Variants in KCNJ6 observed in about 807,000 individuals in gnomAD.
KCNJ6 encodes the protein potassium inwardly rectifying channel subfamily J member 6.
A neutral mutation model predicts 34.2 loss-of-function variants in KCNJ6; 9 were observed. The observed-to-expected ratio is 0.26, with a 90% CI of 0.16 to 0.46. The LOEUF (loss-of-function observed/expected upper bound fraction) is 0.46. Ranked by LOEUF, KCNJ6 falls within the 20% of genes least tolerant of loss-of-function variation. The pLI is 1.00. For missense variants in KCNJ6, 236 were observed against 531.3 expected, an observed-to-expected ratio of 0.44 and a Z score of 5.46; for synonymous variants, 196 against 207.1, an observed-to-expected ratio of 0.95 and a Z score of 0.46.
chr21:37,716,803 A>T (rs1448353125), intron 2 of KCNJ6, among the ~76,000 whole-genome samples: 3 of 152,216 alleles, frequency 2.0e-5, no homozygotes, highest in African/African-American at 7.2e-5. Context: ...TCTGCTGTTT[A>T]AAAGCATATA....
chr21:37,715,339 G>A (rs1297698546), intron 2 of KCNJ6, among the ~76,000 whole-genome samples: 2 of 152,210 alleles, frequency 1.3e-5, no homozygotes, highest in African/African-American at 2.4e-5. Flanking sequence ...GTTTGTGTAA[G>A]TACTTCACCA....
In KCNJ6 at chr21:37,675,962, C is replaced by G. The variant is rs934676244; in HGVS notation, c.946+38249G>C. ...TGGCTCCTCTGTCCTCATGTGAGCTCTGGACCAGCAATACCTGCACCCTTG... is the reference window on the plus strand; with the variant it reads ...TGGCTCCTCTGTCCTCATGTGAGCTGTGGACCAGCAATACCTGCACCCTTG... On this transcript the variant is annotated intron_variant, in intron 3 of 3. Transcript: ENST00000609713. The surrounding 1 kb of genome is among the most constrained non-coding windows in gnomAD (Gnocchi z 4.2). Among the ~76,000 whole-genome samples the G allele has an allele frequency of 3.9e-5, 6 of 152,340 alleles. No homozygotes were observed. Among genetic ancestry groups the G allele is most frequent in the African/African-American group, 1.2e-4 (5 of 41,590 alleles).
chr21:37,873,826 C>G (rs1257293409), intron 1 of KCNJ6, among the ~76,000 whole-genome samples: 2 of 152,098 alleles, frequency 1.3e-5, no homozygotes, highest in Non-Finnish European at 2.9e-5. Context: ...CATCTATCCA[C>G]GCTTCCACTT....
chr21:37,785,502 T>C (rs976444685), intron 2 of KCNJ6, among the ~76,000 whole-genome samples: 1 of 152,218 alleles, frequency 6.6e-6, no homozygotes, highest in Admixed American at 6.5e-5. Flanking sequence ...TGTTGGGTTT[T>C]CATCATTGTT....
intron 2 of KCNJ6, among the ~76,000 whole-genome samples, chr21:37,818,164 G>T (rs2029932397): frequency 6.6e-6 from 1 of 151,312 alleles, no homozygotes; most frequent in South Asian, 2.1e-4. Flanking sequence ...TACATTTCTT[G>T]CTATATATAG....
chr21:37,705,649 A>G (rs2054715755), intron 3 of KCNJ6, among the ~76,000 whole-genome samples: 1 of 152,150 alleles, frequency 6.6e-6, no homozygotes, highest in South Asian at 2.1e-4. Flanking sequence ...GGAAAAAAAG[A>G]TTTTGTGAAG....
At chr21:37,915,510 G>A (rs1299003395) in intron 1 of KCNJ6, among the ~76,000 whole-genome samples, 1 of 152,136 alleles carries the variant, frequency 6.6e-6, no homozygotes, top group Non-Finnish European at 1.5e-5. Context: ...TTTCCCAACT[G>A]TAAATGACTA....
In KCNJ6 at chr21:37,612,688, G is replaced by A. The variant is rs929631254; in HGVS notation, c.*12471C>T. ...GGCAAAGAGGGTCTTTTCAACAAAC[G>A]GTGTTGAAATAGCTGCACATTTGCA... On this transcript the variant is annotated 3_prime_UTR_variant, in exon 4 of 4. Coordinates refer to ENST00000609713, the MANE Select transcript of KCNJ6 (RefSeq NM_002240.5). 1.4e-5 allele frequency: 2 copies of A among 143,350 alleles called. No individual in the cohort carries two copies. Among genetic ancestry groups the A allele is most frequent in the Non-Finnish European group, 3.0e-5 (2 of 66,902 alleles). The allele number at this position is 143,350 out of a possible 1,614,324, so 8.9% of individuals were successfully genotyped here.
intron 2 of KCNJ6, among the ~76,000 whole-genome samples, chr21:37,809,539 A>T (rs545019256): frequency 4.8e-4 from 73 of 152,298 alleles, no homozygotes; most frequent in African/African-American, 1.7e-3. Context: ...AATAAAATAA[A>T]AAAGATATTA....
At chr21:37,787,580 G>C (rs2055198251) in intron 2 of KCNJ6, among the ~76,000 whole-genome samples, 1 of 152,168 alleles carries the variant, frequency 6.6e-6, no homozygotes, top group Admixed American at 6.5e-5. Context: ...CTGAGGATGG[G>C]TCTGCCAATC....
intron 3 of KCNJ6, among the ~76,000 whole-genome samples, chr21:37,644,519 C>G (rs2054394938): frequency 6.6e-6 from 1 of 152,134 alleles, no homozygotes; most frequent in Non-Finnish European, 1.5e-5. Flanking sequence ...GATTTAGTAA[C>G]TGGGTAATTT....
At chr21:37,850,312 C>G (rs1347523151) in intron 1 of KCNJ6, among the ~76,000 whole-genome samples, 2 of 152,064 alleles carry the variant, frequency 1.3e-5, no homozygotes, top group Non-Finnish European at 2.9e-5. Flanking sequence ...GGTCCCCAAA[C>G]CCCAGGCCGT....
At chr21:37,884,427 C>T (rs1159730046) in intron 1 of KCNJ6, among the ~76,000 whole-genome samples, 1 of 152,170 alleles carries the variant, frequency 6.6e-6, no homozygotes, top group African/African-American at 2.4e-5. Flanking sequence ...TTCCTGCCTC[C>T]TTTCTGTTTC....
At chr21:37,779,421 G>GT (rs2055158543) in intron 2 of KCNJ6, among the ~76,000 whole-genome samples, 1 of 152,168 alleles carries the variant, frequency 6.6e-6, no homozygotes, top group Non-Finnish European at 1.5e-5. Context: ...GGGGAGAGGT[G>GT]TGTTAATCAG....
rs906561478 is a variant in KCNJ6 at position 37,615,183 on chromosome 21, G to A, written c.*9976C>T. 6.6e-6 allele frequency: 1 copy of A among 151,526 alleles called. No individual in the cohort carries two copies. Among genetic ancestry groups the A allele is most frequent in the Non-Finnish European group, 1.5e-5 (1 of 68,008 alleles). 9.4% of individuals were successfully genotyped at this position (151,526 alleles called of 1,614,324 possible). A position where few individuals can be genotyped will look rare whatever the true frequency, so the allele number is the denominator to read the frequency against. On this transcript the variant is annotated 3_prime_UTR_variant, in exon 4 of 4. Transcript: ENST00000609713. ...ACTCCCACAGTGTGGGCATGGTTCA[G>A]GGATTTGAATATTAATGTCCTCTTT...
At position 37,613,070 on chromosome 21, in the gene KCNJ6, C is replaced by T. The variant is rs950179260; in HGVS notation, c.*12089G>A. 1 of 151,756 alleles carries T rather than the reference C, an allele frequency of 6.6e-6. No individual in the cohort carries two copies. The highest frequency in any genetic ancestry group is 2.4e-5 in the African/African-American group (1 of 41,282). The allele number at this position is 151,756 out of a possible 1,614,324, so 9.4% of individuals were successfully genotyped here. The stretch of plus-strand genomic sequence containing the variant: ...ATAAAGAATTATTATCTAAAATTTA[C>T]AAAGAACTTTAACAAATCAACAATA... On this transcript the variant is annotated 3_prime_UTR_variant, in exon 4 of 4. Coordinates refer to ENST00000609713, the MANE Select transcript of KCNJ6 (RefSeq NM_002240.5).
intron 1 of KCNJ6, among the ~76,000 whole-genome samples, chr21:37,911,831 C>T (rs2055868342): frequency 6.6e-6 from 1 of 152,148 alleles, no homozygotes; most frequent in East Asian, 1.9e-4. Context: ...AGAACAGCAA[C>T]ATTTTCTACC....
chr21:37,638,291 C>T (rs144871333), intron 3 of KCNJ6, among the ~76,000 whole-genome samples: 2,661 of 152,164 alleles, frequency 0.017, 68 homozygotes, highest in African/African-American at 0.059. Context: ...GGATTAGAGG[C>T]GTGTACCACC....
chr21:37,831,778 GA>G (rs1405283728), intron 2 of KCNJ6, among the ~76,000 whole-genome samples: 4 of 152,200 alleles, frequency 2.6e-5, no homozygotes, highest in Non-Finnish European at 4.4e-5. Flanking sequence ...GGAGGCAGGG[GA>G]ATGCGCAAGG....
Sources: allele counts gnomAD v4.1 joint callset (sites outside exome capture counted in the v4.1 genomes callset), GRCh38; gene constraint gnomAD v4.1.1; non-coding constraint Gnocchi (gnomAD v3.1); transcripts MANE v1.5; gene names NCBI Gene and HGNC (gene_info 2026-07-23, HGNC 2026-07-21).